Variants in CDH18 observed in about 807,000 individuals in gnomAD.
CDH18 encodes the protein cadherin 18.
Under a neutral mutation model 67.9 loss-of-function variants are expected in CDH18, and 31 were observed. That is an observed-to-expected ratio of 0.46 (90% confidence interval 0.34 to 0.62). The LOEUF is 0.62. Among genes scored for constraint, CDH18 ranks in the 20% least tolerant of loss-of-function variants. The probability of loss-of-function intolerance (pLI) is 0.01; values close to 1 mark genes in which losing one functional copy is unlikely to be tolerated. For missense variants in CDH18, 890 were observed against 975.5 expected (o/e 0.91, Z 1.17); for synonymous variants, 362 against 347.2 (o/e 1.04, Z -0.48).
chr5:20,531,753 CG>C (rs1756413494), intron 1 of CDH18, among the ~76,000 whole-genome samples: 2 of 151,800 alleles, frequency 1.3e-5, no homozygotes, highest in African/African-American at 4.8e-5. Flanking sequence ...GGGCAGGCTG[CG>C]GGCAGAGCAT....
intron 1 of CDH18, among the ~76,000 whole-genome samples, chr5:20,486,702 T>TATATATATATATAC (rs1357643234): frequency 6.6e-6 from 1 of 150,436 alleles, no homozygotes; most frequent in Non-Finnish European, 1.5e-5. Context: ...TATATATACA[T>TATATATATATATAC]ATATGTGTGT....
rs1414944298 is a variant in CDH18 at position 19,837,039 on chromosome 5, T to G, written c.228+1720A>C. Among the ~76,000 whole-genome samples, 3 of 152,134 alleles carry G rather than the reference T, an allele frequency of 2.0e-5. No individual in the cohort carries two copies. In the East Asian group the frequency reaches 5.8e-4, roughly 29 times the overall value. On this transcript the variant is annotated intron_variant, in intron 3 of 12. Coordinates refer to ENST00000382275, the MANE Select transcript of CDH18 (RefSeq NM_004934.5). ...GCCCATCAATGATAAACTGGATAAA[T>G]AAAATGTGACACATTTATACCAGGG... is the stretch of plus-strand genomic sequence containing the variant.
chr5:19,589,255 T>C (rs749192956), intron 7 of CDH18, among the ~76,000 whole-genome samples: 1 of 152,114 alleles, frequency 6.6e-6, no homozygotes, highest in Non-Finnish European at 1.5e-5. Context: ...TCTAGAACAG[T>C]TCACTTTTTG....
intron 5 of CDH18, among the ~76,000 whole-genome samples, chr5:19,706,010 G>A (rs1360597993): frequency 6.6e-6 from 1 of 152,132 alleles, no homozygotes; most frequent in Non-Finnish European, 1.5e-5. Context: ...GGCTCAAAAT[G>A]TAAAGTTTTC....
chr5:19,734,350 C>T (rs1768016899), intron 4 of CDH18, among the ~76,000 whole-genome samples: 1 of 152,152 alleles, frequency 6.6e-6, no homozygotes, highest in African/African-American at 2.4e-5. Flanking sequence ...GGAGTAACTG[C>T]ATCAGAAGAG....
intron 2 of CDH18, among the ~76,000 whole-genome samples, chr5:19,956,377 T>C (rs1356278547): frequency 6.6e-6 from 1 of 151,982 alleles, no homozygotes; most frequent in Non-Finnish European, 1.5e-5. Flanking sequence ...AATCAAAAGA[T>C]AACACTTTGA....
At chr5:19,939,860 C>T (rs1424572754) in intron 2 of CDH18, among the ~76,000 whole-genome samples, 1 of 151,848 alleles carries the variant, frequency 6.6e-6, no homozygotes, top group Non-Finnish European at 1.5e-5. Context: ...TTAAAGGAGA[C>T]TTTACTTAAT....
chr5:20,227,072 C>T (rs1481863692), intron 2 of CDH18, among the ~76,000 whole-genome samples: 3 of 152,054 alleles, frequency 2.0e-5, no homozygotes, highest in Non-Finnish European at 4.4e-5. Context: ...TTGCCCAAAT[C>T]ACATTGCACA....
At chr5:20,281,186 T>C (rs1017375158) in intron 1 of CDH18, among the ~76,000 whole-genome samples, 1 of 152,162 alleles carries the variant, frequency 6.6e-6, no homozygotes, top group Non-Finnish European at 1.5e-5. Flanking sequence ...TAGTTTCTTT[T>C]GCTGTGCAGA....
chr5:20,256,711 T>A (rs1744259222), intron 1 of CDH18, among the ~76,000 whole-genome samples: 1 of 151,988 alleles, frequency 6.6e-6, no homozygotes, highest in East Asian at 1.9e-4. Context: ...AAAGTAGAAA[T>A]GTCTGATACC....
At chr5:20,268,950 G>C (rs1195178336) in intron 1 of CDH18, among the ~76,000 whole-genome samples, 1 of 152,176 alleles carries the variant, frequency 6.6e-6, no homozygotes, top group East Asian at 1.9e-4. Flanking sequence ...CTGTTGAATG[G>C]GAGAAAATAT....
chr5:20,433,862 A>T (rs1206852201), intron 1 of CDH18, among the ~76,000 whole-genome samples: 1 of 152,094 alleles, frequency 6.6e-6, no homozygotes, highest in African/African-American at 2.4e-5. Flanking sequence ...AGTAAGTCAA[A>T]ATTATGTTAG....
chr5:19,663,081 C>T (rs1205723288), intron 5 of CDH18, among the ~76,000 whole-genome samples: 3 of 151,690 alleles, frequency 2.0e-5, no homozygotes, highest in Non-Finnish European at 4.4e-5. Flanking sequence ...GTTCTTTTTT[C>T]CCCAAATATT....
chr5:20,107,289 T>C (rs1389174678), intron 2 of CDH18, among the ~76,000 whole-genome samples: 7 of 152,076 alleles, frequency 4.6e-5, no homozygotes, highest in Non-Finnish European at 2.9e-5. Flanking sequence ...TTAGCCAGGA[T>C]GGTGTCGATC....
At chr5:20,388,472 A>C (rs1744513793) in intron 1 of CDH18, among the ~76,000 whole-genome samples, 2 of 151,754 alleles carry the variant, frequency 1.3e-5, no homozygotes, top group Admixed American at 6.6e-5. Flanking sequence ...CTTCTTTATT[A>C]GTCTTGCTAG....
rs557131708 is a variant in CDH18, at chr5:20,409,453, C to T, written c.-579-153948G>A. On this transcript the variant is annotated intron_variant, in intron 1 of 14. Transcript: ENST00000507958. ...AAAAAGAGATGATAATATAAATATG[C>T]AATTGCTTTGATAACAATTTTTTAA... Among the ~76,000 whole-genome samples the T allele has an allele frequency of 4.6e-5, 7 of 151,600 alleles. No individual in the cohort carries two copies. In the East Asian group the frequency reaches 9.7e-4, roughly 21 times the overall value.
chr5:19,637,500 G>A (rs1477882528), intron 5 of CDH18, among the ~76,000 whole-genome samples: 1 of 152,050 alleles, frequency 6.6e-6, no homozygotes, highest in South Asian at 2.1e-4. Context: ...TTGGCCAAAA[G>A]CTATTTAAGC....
intron 2 of CDH18, among the ~76,000 whole-genome samples, chr5:20,029,763 C>T (rs766073500): frequency 6.6e-6 from 1 of 152,148 alleles, no homozygotes; most frequent in Non-Finnish European, 1.5e-5. Flanking sequence ...GTATTAGTTT[C>T]TTTTCCTGTG....
At chr5:19,491,246 T>A (rs918036163) in intron 11 of CDH18, among the ~76,000 whole-genome samples, 2 of 152,188 alleles carry the variant, frequency 1.3e-5, no homozygotes, top group Non-Finnish European at 2.9e-5. Flanking sequence ...TACAGCCACA[T>A]CCATTAGAGG....
Sources: allele counts gnomAD v4.1 joint callset (sites outside exome capture counted in the v4.1 genomes callset), GRCh38; gene constraint gnomAD v4.1.1; transcripts MANE v1.5; gene names NCBI Gene and HGNC (gene_info 2026-07-23, HGNC 2026-07-21).